SYNPR: variants seen among roughly 807,000 people sequenced by gnomAD.
The protein encoded by SYNPR is synaptoporin.
In SYNPR, 23 loss-of-function variants were observed where a neutral mutation model predicts 32.9. That is an observed-to-expected ratio of 0.70 (90% CI 0.50 to 0.99). The LOEUF is 0.99. Ranked by LOEUF, SYNPR falls within the 50% of genes least tolerant of loss-of-function variation. SYNPR has a pLI of 0.00. For missense variants in SYNPR, 318 were observed against 349.3 expected (o/e 0.91, Z 0.71); for synonymous variants, 146 against 135.9 (o/e 1.07, Z -0.52).
At chr3:63,528,595 A>G (rs1376871220) in intron 3 of SYNPR, among the ~76,000 whole-genome samples, 2 of 152,102 alleles carry the variant, frequency 1.3e-5, no homozygotes, top group African/African-American at 4.8e-5. Flanking sequence ...GGGTTTATTC[A>G]CACTTACTAT....
At chr3:63,377,149 C>G (rs892152084) in intron 2 of SYNPR, among the ~76,000 whole-genome samples, 2 of 152,090 alleles carry the variant, frequency 1.3e-5, no homozygotes, top group African/African-American at 4.8e-5. Context: ...TTAATAGATT[C>G]TGAAACATAT....
At chr3:63,330,570 G>A (rs2087217392) in intron 2 of SYNPR, among the ~76,000 whole-genome samples, 1 of 152,004 alleles carries the variant, frequency 6.6e-6, no homozygotes, top group African/African-American at 2.4e-5. Context: ...GTGCATCTCA[G>A]TCCTTAAATA....
chr3:63,452,209 G>A (rs1316177144), intron 2 of SYNPR: 5 of 602,822 alleles, frequency 8.3e-6, no homozygotes, highest in South Asian at 2.0e-5. Context: ...ACTGGGTGCC[G>A]GGTTAAGATT....
intron 3 of SYNPR, among the ~76,000 whole-genome samples, chr3:63,523,983 C>T (rs1359192496): frequency 1.3e-5 from 2 of 152,064 alleles, no homozygotes; most frequent in Admixed American, 1.3e-4. Flanking sequence ...GCATTTCCCA[C>T]ACATTAATCC....
intron 4 of SYNPR, among the ~76,000 whole-genome samples, chr3:63,574,755 A>G (rs1702949500): frequency 6.6e-6 from 1 of 152,130 alleles, no homozygotes; most frequent in South Asian, 2.1e-4. Context: ...CTCAATACAT[A>G]GTGTTGAATG....
At chr3:63,567,101 G>T (rs1702802667) in intron 4 of SYNPR, among the ~76,000 whole-genome samples, 2 of 152,092 alleles carry the variant, frequency 1.3e-5, no homozygotes, top group Admixed American at 1.3e-4. Context: ...ATAAGCTGCT[G>T]TCATTATAGA....
chr3:63,249,364 TGTG>T (rs2086313960), intron 1 of SYNPR, among the ~76,000 whole-genome samples: 2 of 152,202 alleles, frequency 1.3e-5, no homozygotes, highest in African/African-American at 2.4e-5. Flanking sequence ...GAAGGGGAGA[TGTG>T]GTGATATTCA....
chr3:63,350,266 T>C (rs1481477847), intron 2 of SYNPR, among the ~76,000 whole-genome samples: 3 of 151,912 alleles, frequency 2.0e-5, no homozygotes, highest in Non-Finnish European at 2.9e-5. Context: ...ATTAACTCTA[T>C]AGGGGAGACT....
intron 2 of SYNPR, among the ~76,000 whole-genome samples, chr3:63,450,427 A>G (rs773391400): frequency 6.6e-6 from 1 of 152,194 alleles, no homozygotes; most frequent in African/African-American, 2.4e-5. Context: ...CCCAAGCTCT[A>G]TGGTGAATTT....
At chr3:63,422,477 G>T (rs1699817299) in intron 2 of SYNPR, among the ~76,000 whole-genome samples, 1 of 152,202 alleles carries the variant, frequency 6.6e-6, no homozygotes, top group Non-Finnish European at 1.5e-5. Flanking sequence ...AGAGGTGACG[G>T]AAATCTTCAA....
chr3:63,591,819 G>A (rs1437575225), intron 4 of SYNPR, among the ~76,000 whole-genome samples: 3 of 121,850 alleles, frequency 2.5e-5, no homozygotes, highest in South Asian at 3.4e-4. Flanking sequence ...GGTGGGGGGA[G>A]GGGGGGAGGG....
Position 63,615,294 on chromosome 3 carries a change from A to G in SYNPR, c.671A>G (p.His224Arg), listed in dbSNP as rs1390149045. 3 of 1,613,732 alleles carry G rather than the reference A, an allele frequency of 1.9e-6. No individual in the cohort carries two copies. The highest frequency in any genetic ancestry group is 2.5e-6 in the Non-Finnish European group (3 of 1,179,854). Reference protein sequence around the residue: ...IWFVFKETGWHSSGQRYLSDP... With the variant: ...IWFVFKETGWRSSGQRYLSDP... The stretch of plus-strand genomic sequence containing the variant: ...TTTGTTTTCAAGGAGACCGGCTGGC[A>G]TTCTTCGGGACAGAGATATCTTTCA... The change falls in exon 6 of 6, where the codon CAT becomes CGT. Residue 224 changes from histidine (H) to arginine (R), a missense_variant. Coordinates refer to ENST00000478300, the MANE Select transcript of SYNPR (RefSeq NM_001130003.2).
the SYNPR span, among the ~76,000 whole-genome samples, chr3:63,200,908 G>A: frequency 6.6e-6 from 1 of 152,136 alleles, no homozygotes; most frequent in Non-Finnish European, 1.5e-5. Context: ...ATATCAATGG[G>A]CTGTCTCAAC....
intron 3 of SYNPR, among the ~76,000 whole-genome samples, chr3:63,527,268 G>A (rs1420464175): frequency 6.6e-6 from 1 of 151,974 alleles, no homozygotes; most frequent in Non-Finnish European, 1.5e-5. Flanking sequence ...TTATTCCCAA[G>A]GCATCATCCC....
chr3:63,253,582 G>C (rs981204756), intron 2 of SYNPR, among the ~76,000 whole-genome samples: 5 of 151,990 alleles, frequency 3.3e-5, no homozygotes, highest in African/African-American at 9.7e-5. Flanking sequence ...ATCATCACTG[G>C]CCATCAGAGA....
intron 2 of SYNPR, among the ~76,000 whole-genome samples, chr3:63,433,778 G>T (rs577746308): frequency 6.6e-6 from 1 of 152,130 alleles, no homozygotes; most frequent in Admixed American, 6.5e-5. Flanking sequence ...TAATAAAATT[G>T]TAGAAATTTT....
At chr3:63,566,874 C>G (rs1250066509) in intron 4 of SYNPR, among the ~76,000 whole-genome samples, 2 of 152,170 alleles carry the variant, frequency 1.3e-5, no homozygotes, top group Admixed American at 1.3e-4. Context: ...TTATTTTTAT[C>G]AGCTTTATGA....
At chr3:63,533,694 A>G (rs1236365012) in intron 3 of SYNPR, among the ~76,000 whole-genome samples, 1 of 152,206 alleles carries the variant, frequency 6.6e-6, no homozygotes, top group East Asian at 1.9e-4. Flanking sequence ...TTCAATTTGT[A>G]GTTCAACTCG....
chr3:63,417,088 C>A (rs982140334), intron 2 of SYNPR, among the ~76,000 whole-genome samples: 1 of 152,226 alleles, frequency 6.6e-6, no homozygotes, highest in Non-Finnish European at 1.5e-5. Context: ...CCAGTCCCTT[C>A]CACTTATGAG....
Sources: allele counts gnomAD v4.1 joint callset (sites outside exome capture counted in the v4.1 genomes callset), GRCh38; gene constraint gnomAD v4.1.1; transcripts MANE v1.5; gene names NCBI Gene and HGNC (gene_info 2026-07-23, HGNC 2026-07-21).